SLC9A9: variants seen among roughly 807,000 people sequenced by gnomAD.
The protein encoded by SLC9A9 is sodium/hydrogen exchanger 9.
Under a neutral mutation model 77.8 loss-of-function variants are expected in SLC9A9, and 62 were observed. That is an observed-to-expected ratio of 0.80 (90% CI 0.65 to 0.98). The LOEUF (loss-of-function observed/expected upper bound fraction) is 0.98. Ranked by LOEUF, SLC9A9 falls within the 50% of genes least tolerant of loss-of-function variation. The pLI, the probability that SLC9A9 is intolerant of heterozygous loss-of-function variation, is 0.00. For synonymous variants in SLC9A9, 320 were observed against 283.5 expected, an observed-to-expected ratio of 1.13 and a Z score of -1.29; for missense variants, 775 against 774.9, an observed-to-expected ratio of 1.00 and a Z score of 0.00.
intron 14 of SLC9A9, among the ~76,000 whole-genome samples, chr3:143,288,893 T>A (rs893981635): frequency 5.3e-5 from 8 of 152,192 alleles, no homozygotes; most frequent in African/African-American, 1.9e-4. Flanking sequence ...AAAGCTCTAA[T>A]ACCCTCTTAC....
intron 4 of SLC9A9, among the ~76,000 whole-genome samples, chr3:143,761,038 C>G (rs1489980599): frequency 4.6e-5 from 7 of 152,050 alleles, no homozygotes; most frequent in Non-Finnish European, 7.4e-5. Flanking sequence ...AATAATACCA[C>G]AGATCTACAA....
intron 12 of SLC9A9, among the ~76,000 whole-genome samples, chr3:143,434,078 G>A (rs1342395774): frequency 6.6e-6 from 1 of 152,008 alleles, no homozygotes; most frequent in African/African-American, 2.4e-5. Flanking sequence ...TAAAGTATAT[G>A]GCACATAGTA....
chr3:143,642,357 A>G (rs1183224296), intron 6 of SLC9A9, among the ~76,000 whole-genome samples: 1 of 152,184 alleles, frequency 6.6e-6, no homozygotes, highest in African/African-American at 2.4e-5. Flanking sequence ...ACAATAATCA[A>G]TCAAATATTT....
intron 12 of SLC9A9, among the ~76,000 whole-genome samples, chr3:143,400,466 A>G (rs140032673): frequency 1.3e-5 from 2 of 152,272 alleles, no homozygotes; most frequent in Non-Finnish European, 2.9e-5. Context: ...GTTCTCACTC[A>G]TAAGTGGGAA....
chr3:143,546,192 C>G (rs768582009), intron 9 of SLC9A9, among the ~76,000 whole-genome samples: 11 of 152,176 alleles, frequency 7.2e-5, no homozygotes, highest in Non-Finnish European at 1.5e-4. Flanking sequence ...GAGTCATGCA[C>G]AGAACATATA....
intron 14 of SLC9A9, among the ~76,000 whole-genome samples, chr3:143,363,169 G>A (rs2032800006): frequency 6.6e-6 from 1 of 152,180 alleles, no homozygotes; most frequent in Admixed American, 6.5e-5. Flanking sequence ...TTGACCAGAA[G>A]TAAGAGCTTT....
At chr3:143,537,894 T>C (rs1234348537) in intron 9 of SLC9A9, among the ~76,000 whole-genome samples, 1 of 152,240 alleles carries the variant, frequency 6.6e-6, no homozygotes, top group Non-Finnish European at 1.5e-5. Flanking sequence ...TTTCCATTTA[T>C]AGGAATTTTC....
rs775370804 is a variant in SLC9A9 at position 143,403,446 on chromosome 3, G to A, written c.1470-21332C>T. On this transcript the variant is annotated intron_variant, in intron 12 of 15. Coordinates refer to ENST00000316549, the MANE Select transcript of SLC9A9 (RefSeq NM_173653.4). Reference sequence around the variant, plus strand: ...AGTTAATACGTAGTTACCTTTGCCGGCACTTTTTTTTTTCCACGTGGATTT... The same window carrying A: ...AGTTAATACGTAGTTACCTTTGCCGACACTTTTTTTTTTCCACGTGGATTT... Among the ~76,000 whole-genome samples the A allele has an allele frequency of 6.6e-5, 10 of 150,684 alleles. No individual in the cohort carries two copies. In the East Asian group the frequency reaches 7.8e-4, roughly 12 times the overall value.
intron 11 of SLC9A9, among the ~76,000 whole-genome samples, chr3:143,470,478 C>T (rs1272517123): frequency 2.5e-3 from 186 of 73,584 alleles, no homozygotes; most frequent in African/African-American, 0.014. Context: ...GAAATTCTGG[C>T]TCAAAAAAAA....
At chr3:143,835,298 C>T (rs980513424) in intron 1 of SLC9A9, among the ~76,000 whole-genome samples, 2 of 152,202 alleles carry the variant, frequency 1.3e-5, no homozygotes, top group African/African-American at 4.8e-5. Context: ...AAGGCTTCAG[C>T]CCTCCTTTTC....
intron 9 of SLC9A9, among the ~76,000 whole-genome samples, chr3:143,513,359 G>C (rs1453650154): frequency 6.6e-6 from 1 of 152,154 alleles, no homozygotes; most frequent in African/African-American, 2.4e-5. Flanking sequence ...TCATCCATAA[G>C]AAACAACTCA....
At chr3:143,512,719 T>C (rs1169926236) in intron 9 of SLC9A9, among the ~76,000 whole-genome samples, 1 of 152,004 alleles carries the variant, frequency 6.6e-6, no homozygotes, top group African/African-American at 2.4e-5. Flanking sequence ...CTACTAAAAA[T>C]ACAAAAATCA....
intron 9 of SLC9A9, among the ~76,000 whole-genome samples, chr3:143,538,286 A>C (rs774251382): frequency 2.6e-5 from 4 of 152,202 alleles, no homozygotes; most frequent in Non-Finnish European, 5.9e-5. Flanking sequence ...GCTTGGATGA[A>C]GCAAAAGACC....
At chr3:143,518,945 T>G (rs1383762091) in intron 9 of SLC9A9, among the ~76,000 whole-genome samples, 3 of 152,230 alleles carry the variant, frequency 2.0e-5, no homozygotes, top group Non-Finnish European at 2.9e-5. Context: ...CATTTCTACC[T>G]GTAGTATGTA....
At chr3:143,756,570 T>C (rs2006930341) in intron 4 of SLC9A9, among the ~76,000 whole-genome samples, 1 of 152,234 alleles carries the variant, frequency 6.6e-6, no homozygotes, top group African/African-American at 2.4e-5. Flanking sequence ...AAAGTATTTA[T>C]TGGTCTTCCA....
chr3:143,276,848 G>T (rs1938064851), intron 14 of SLC9A9, among the ~76,000 whole-genome samples: 1 of 136,580 alleles, frequency 7.3e-6, no homozygotes, highest in Admixed American at 6.8e-5. Flanking sequence ...ACATTTCAGA[G>T]AGTTTTCAGA....
intron 6 of SLC9A9, among the ~76,000 whole-genome samples, chr3:143,648,969 T>C (rs2038752434): frequency 6.6e-6 from 1 of 152,210 alleles, no homozygotes; most frequent in Non-Finnish European, 1.5e-5. Context: ...CACTGGATCC[T>C]TGACTAAGCC....
chr3:143,575,512 G>GT (rs571600115), intron 7 of SLC9A9, among the ~76,000 whole-genome samples: 3 of 151,828 alleles, frequency 2.0e-5, no homozygotes, highest in East Asian at 1.9e-4. Flanking sequence ...TTAATTTTTG[G>GT]TTTTTTTTGG....
rs112638296 is a variant in SLC9A9 at position 143,589,481 on chromosome 3, T to C, written c.756-10758A>G. On this transcript the variant is annotated intron_variant, in intron 6 of 15. Coordinates refer to ENST00000316549, the MANE Select transcript of SLC9A9 (RefSeq NM_173653.4). ...CTCTACGTTTAGATACAGAAATACT[T>C]ACCATTGGGTTATAACTGCCTACAA... 4.8e-3 allele frequency among the ~76,000 whole-genome samples: 725 copies of C among 152,310 alleles called. 3 individuals are homozygous for C. Among genetic ancestry groups the C allele is most frequent in the African/African-American group, 0.015 (635 of 41,568 alleles).
Sources: gnomAD v4.1 joint callset for allele counts (sites outside exome capture counted in the v4.1 genomes callset) on GRCh38, gnomAD v4.1.1 for gene constraint, MANE v1.5 for transcripts, NCBI Gene and HGNC (gene_info 2026-07-23, HGNC 2026-07-21) for gene names.